WASHC3: variants seen among roughly 807,000 people sequenced by gnomAD.
WASHC3 encodes WASH complex subunit 3.
WASHC3 carries 24 observed loss-of-function variants against 26.1 expected under a neutral mutation model. The ratio of observed to expected loss-of-function variants is 0.92; its 90% CI spans 0.66 to 1.29. WASHC3 has a LOEUF of 1.29. Among genes scored for constraint, WASHC3 ranks in the 50% most tolerant of loss-of-function variants. WASHC3 has a pLI of 0.00. For missense variants in WASHC3, 214 were observed against 229.6 expected (o/e 0.93, Z 0.44); for synonymous variants, 77 against 75.7 (o/e 1.02, Z -0.09).
intron 6 of WASHC3, among the ~76,000 whole-genome samples, chr12:102,013,686 C>G (rs916083950): frequency 6.6e-6 from 1 of 152,090 alleles, no homozygotes; most frequent in Non-Finnish European, 1.5e-5. Flanking sequence ...AATTTTGTAG[C>G]GAAGGAGAGT....
rs1339799728 is a variant in WASHC3 at position 102,061,315 on chromosome 12, G to A, written c.83C>T (p.Ala28Val). 7 of 1,613,688 alleles carry A rather than the reference G, an allele frequency of 4.3e-6. No individual in the cohort carries two copies. Among genetic ancestry groups the A allele is most frequent in the African/African-American group, 1.3e-5 (1 of 74,902 alleles). Residue 28 changes from alanine (A) to valine (V), a missense_variant, in exon 2 of 7, where the codon GCT (alanine) becomes GTT (valine). By Grantham distance (64) the Ala-to-Val change is moderately conservative. Transcript: ENST00000240079. The part of the protein sequence containing the change: ...VPAIQQKRTV[A>V]FLNQFVVHTV... The stretch of plus-strand genomic sequence containing the variant: ...GTGCACCACAAATTGGTTTAGAAAA[G>A]CCACCGTTCTTTTCTGTTGAATAGC...
chr12:102,058,688 A>C (rs1878687581), intron 2 of WASHC3, among the ~76,000 whole-genome samples: 1 of 152,174 alleles, frequency 6.6e-6, no homozygotes, highest in Non-Finnish European at 1.5e-5. Context: ...ATGATCCAGC[A>C]ATCCCACTTC....
intron 5 of WASHC3, among the ~76,000 whole-genome samples, chr12:102,028,979 G>T (rs1335636444): frequency 6.6e-6 from 1 of 152,000 alleles, no homozygotes; most frequent in African/African-American, 2.4e-5. Flanking sequence ...TATGGGTAAA[G>T]AAAAATATAT....
intron 5 of WASHC3, among the ~76,000 whole-genome samples, chr12:102,033,329 T>C (rs1877511285): frequency 6.6e-6 from 1 of 152,134 alleles, no homozygotes; most frequent in African/African-American, 2.4e-5. Context: ...CAGAAGAAGC[T>C]GAAAGGTCTT....
At chr12:102,036,362 C>CAA (rs1271595888) in intron 5 of WASHC3, among the ~76,000 whole-genome samples, 2,140 of 71,684 alleles carry the variant, frequency 0.03, 101 homozygotes, top group African/African-American at 0.092. Flanking sequence ...GACTCCGTCT[C>CAA]AAAAAAAAAA....
chr12:102,061,997 C>A, upstream of WASHC3: 1 of 1,566,372 alleles, frequency 6.4e-7, no homozygotes, highest in Non-Finnish European at 8.7e-7. Flanking sequence ...AGTTCACCCA[C>A]AAACCCCTCC....
chr12:102,022,555 C>A (rs1237646770), intron 6 of WASHC3, among the ~76,000 whole-genome samples: 1 of 152,090 alleles, frequency 6.6e-6, no homozygotes, highest in Non-Finnish European at 1.5e-5. Flanking sequence ...TAGAAAGTGG[C>A]AAGTAATACA....
chr12:102,024,205 T>A (rs1877077274), intron 6 of WASHC3, among the ~76,000 whole-genome samples: 1 of 152,166 alleles, frequency 6.6e-6, no homozygotes, highest in South Asian at 2.1e-4. Context: ...TGAATCTTGA[T>A]GATAAAACCA....
At chr12:102,031,526 A>AT (rs1565814337) in intron 5 of WASHC3, among the ~76,000 whole-genome samples, 1 of 152,188 alleles carries the variant, frequency 6.6e-6, no homozygotes, top group African/African-American at 2.4e-5. Flanking sequence ...TTTACTTAAA[A>AT]TTTTCAAAGT....
At chr12:102,052,175 C>T (rs1878417828) in intron 2 of WASHC3, among the ~76,000 whole-genome samples, 1 of 152,200 alleles carries the variant, frequency 6.6e-6, no homozygotes, top group Non-Finnish European at 1.5e-5. Context: ...TAAGAAAAAA[C>T]ACACTGAAGA....
intron 2 of WASHC3, among the ~76,000 whole-genome samples, chr12:102,046,931 T>C (rs1429318914): frequency 6.6e-6 from 1 of 151,938 alleles, no homozygotes; most frequent in Non-Finnish European, 1.5e-5. Context: ...GTTTGAAAAA[T>C]AAAGGGGAAT....
chr12:102,061,910 A>G lies in WASHC3; in HGVS notation c.51+2T>C. Reference sequence around the variant, plus strand: ...GGGAGTCTAGCACCGTCTTTTACAAACCTTGGTCAGGTCTATGCCTGACCC... The same window carrying G: ...GGGAGTCTAGCACCGTCTTTTACAAGCCTTGGTCAGGTCTATGCCTGACCC... On this transcript the variant is annotated splice_donor_variant, in intron 1 of 6. Coordinates refer to ENST00000240079, the MANE Select transcript of WASHC3 (RefSeq NM_016053.4). LOFTEE classifies it high-confidence loss of function. The G allele has an allele frequency of 6.3e-7, 1 of 1,596,576 alleles. No individual in the cohort carries two copies. The highest frequency in any genetic ancestry group is 2.3e-5 in the East Asian group (1 of 44,254).
intron 2 of WASHC3, 123 bp from the exon 3 acceptor site, chr12:102,046,242 C>A: frequency 1.7e-6 from 1 of 572,324 alleles, no homozygotes; most frequent in Non-Finnish European, 3.2e-6. Flanking sequence ...ACAGTACTGT[C>A]TTATTTACAT....
intron 2 of WASHC3, among the ~76,000 whole-genome samples, chr12:102,052,099 G>A (rs149604607): frequency 4.6e-5 from 7 of 152,302 alleles, no homozygotes; most frequent in African/African-American, 1.7e-4. Context: ...ATTCACGCAC[G>A]AAAATACATT....
chr12:102,059,805 G>A (rs902260502), intron 2 of WASHC3: 13 of 152,116 alleles, frequency 8.5e-5, no homozygotes, highest in African/African-American at 3.1e-4. Flanking sequence ...TATAAAAATC[G>A]AAGGGTGAAA....
At chr12:102,015,676 T>C (rs1876668730) in intron 6 of WASHC3, among the ~76,000 whole-genome samples, 1 of 152,194 alleles carries the variant, frequency 6.6e-6, no homozygotes, top group Admixed American at 6.5e-5. Flanking sequence ...GTACTGGAGA[T>C]ACAGAGATGA....
At chr12:102,018,025 T>C (rs1316761565) in intron 6 of WASHC3, among the ~76,000 whole-genome samples, 1 of 152,190 alleles carries the variant, frequency 6.6e-6, no homozygotes, top group East Asian at 1.9e-4. Context: ...TGAATTTGAC[T>C]ACTCTAGATG....
chr12:102,049,489 G>A (rs1878302620), intron 2 of WASHC3, among the ~76,000 whole-genome samples: 1 of 152,030 alleles, frequency 6.6e-6, no homozygotes, highest in Admixed American at 6.6e-5. Context: ...CAAAGTCCCT[G>A]ATATTTGTCA....
At chr12:102,013,370 A>T (rs541999849) in intron 6 of WASHC3, among the ~76,000 whole-genome samples, 178 bp from the exon 7 acceptor site, 2 of 152,090 alleles carry the variant, frequency 1.3e-5, no homozygotes, top group Non-Finnish European at 2.9e-5. Flanking sequence ...CACCATGGGG[A>T]TTCAATGCTA....
Sources: allele counts gnomAD v4.1 joint callset (sites outside exome capture counted in the v4.1 genomes callset), GRCh38; gene constraint gnomAD v4.1.1; transcripts MANE v1.5; gene names NCBI Gene and HGNC (gene_info 2026-07-23, HGNC 2026-07-21).